The following GLP2R variants were observed in gnomAD, a reference collection of about 807,000 sequenced individuals.
GLP2R encodes glucagon like peptide 2 receptor.
A neutral mutation model predicts 68.2 loss-of-function variants in GLP2R; 59 were observed. That is an observed-to-expected ratio of 0.87 (90% confidence interval 0.70 to 1.07). The LOEUF (loss-of-function observed/expected upper bound fraction) is 1.07, where lower values mean the gene tolerates loss of function less well. Ranked by LOEUF, GLP2R falls within the 50% of genes least tolerant of loss-of-function variation. The probability of loss-of-function intolerance (pLI) is 0.00; values close to 1 mark genes in which losing one functional copy is unlikely to be tolerated. For synonymous variants in GLP2R, 270 were observed against 265.4 expected (o/e 1.02, Z -0.17); for missense variants, 548 against 677.4 (o/e 0.81, Z 2.12).
intron 10 of GLP2R, among the ~76,000 whole-genome samples, chr17:9,873,012 G>T (rs1373644334): frequency 2.0e-5 from 3 of 152,182 alleles, no homozygotes; most frequent in Non-Finnish European, 4.4e-5. Flanking sequence ...AGGGAGCCAC[G>T]CTGTCTCTCT....
intron 4 of GLP2R, among the ~76,000 whole-genome samples, chr17:9,851,397 C>A (rs1164851534): frequency 2.0e-5 from 3 of 152,066 alleles, no homozygotes; most frequent in Admixed American, 6.5e-5. Context: ...ACAATTGACA[C>A]CCTATTTGTG....
In GLP2R at chr17:9,861,197, A is replaced by T. The variant is rs2066984210; in HGVS notation, c.984A>T (p.Thr328=). The change falls in exon 8 of 13, where the codon ACA becomes ACT. Residue 328 remains threonine (T), a splice_region_variant and synonymous_variant. Coordinates refer to ENST00000262441, the MANE Select transcript of GLP2R (RefSeq NM_004246.3). The part of the protein sequence containing the change: ...WGFARAHLEN[T]GCWTTNGNKK... ...TCGCCCGTGCACACCTGGAGAACAC[A>T]GGGTAGGTAATTCACCAGGTGTTAT... The T allele has an allele frequency of 1.9e-6, 3 of 1,604,462 alleles. No individual in the cohort carries two copies. Among genetic ancestry groups the T allele is most frequent in the Non-Finnish European group, 2.6e-6 (3 of 1,171,738 alleles).
At chr17:9,858,349 T>C (rs1607987) in intron 6 of GLP2R, among the ~76,000 whole-genome samples, 30,579 of 152,188 alleles carry the variant, frequency 0.2, 4,121 homozygotes, top group African/African-American at 0.35. Context: ...CAACTAGGTT[T>C]TGACATATTA....
chr17:9,856,982 C>T (rs2066939342), intron 5 of GLP2R, among the ~76,000 whole-genome samples: 2 of 151,720 alleles, frequency 1.3e-5, no homozygotes, highest in South Asian at 2.1e-4. Flanking sequence ...CGTGCAGTGG[C>T]GTGATCTAGG....
At position 9,891,497 on chromosome 17, in the gene GLP2R, C is replaced by A. The variant is rs2067290341; in HGVS notation, c.*1792C>A. ...TTGCAAGTGCAGGCTCTGGTCCTGA[C>A]TTTCAAATGTTGTCTATGAGGGACT... On this transcript the variant is annotated 3_prime_UTR_variant, in exon 13 of 13. Coordinates refer to ENST00000262441, the MANE Select transcript of GLP2R (RefSeq NM_004246.3). 6.6e-6 allele frequency: 1 copy of A among 152,164 alleles called. No homozygotes were observed. Among genetic ancestry groups the A allele is most frequent in the Non-Finnish European group, 1.5e-5 (1 of 68,030 alleles). 9.4% of individuals were successfully genotyped at this position (152,164 alleles called of 1,614,324 possible). A position where few individuals can be genotyped will look rare whatever the true frequency, so the allele number is the denominator to read the frequency against.
intron 8 of GLP2R, 46 bp downstream of exon 8, chr17:9,861,245 C>T (rs1478388974): frequency 1.6e-6 from 2 of 1,219,164 alleles, no homozygotes; most frequent in East Asian, 4.7e-5. Flanking sequence ...CGGTAATTCC[C>T]AGGCATGCCT....
At chr17:9,845,382 C>T (rs1429971836) in intron 4 of GLP2R, among the ~76,000 whole-genome samples, 1 of 152,150 alleles carries the variant, frequency 6.6e-6, no homozygotes, top group Non-Finnish European at 1.5e-5. Context: ...CAGGGGAAGG[C>T]AAGGAGTTCA....
At chr17:9,854,638 T>A (rs1290583791) in intron 5 of GLP2R, 37 bp downstream of exon 5, 1 of 1,164,938 alleles carries the variant, frequency 8.6e-7, no homozygotes, top group East Asian at 2.3e-5. Flanking sequence ...TTCGGGCAGG[T>A]ATAGTAGCCC....
At chr17:9,865,455 C>T (rs960028666) in intron 9 of GLP2R, among the ~76,000 whole-genome samples, 15 of 152,134 alleles carry the variant, frequency 9.9e-5, no homozygotes, top group African/African-American at 3.6e-4. Flanking sequence ...TGTCTCTGTT[C>T]TACTTGACTG....
intron 4 of GLP2R, among the ~76,000 whole-genome samples, chr17:9,847,135 A>G (rs1035597005): frequency 1.3e-5 from 2 of 152,260 alleles, no homozygotes; most frequent in Admixed American, 1.3e-4. Context: ...CCTCATGCAG[A>G]TACAACAGCA....
intron 4 of GLP2R, chr17:9,852,965 T>C (rs2066905351): frequency 4.1e-6 from 2 of 482,690 alleles, no homozygotes; most frequent in Non-Finnish European, 7.8e-6. Flanking sequence ...TCTTCCTAAG[T>C]GCTGTCCACT....
At chr17:9,836,151 C>A (rs776278593) in intron 2 of GLP2R, among the ~76,000 whole-genome samples, 1 of 152,104 alleles carries the variant, frequency 6.6e-6, no homozygotes, top group Non-Finnish European at 1.5e-5. Flanking sequence ...GTTGGGCAGA[C>A]GAATGCACAT....
intron 4 of GLP2R, among the ~76,000 whole-genome samples, chr17:9,849,738 G>T (rs1179319713): frequency 6.8e-6 from 1 of 146,162 alleles, no homozygotes; most frequent in Non-Finnish European, 1.5e-5. Flanking sequence ...TCAGCCTCCC[G>T]AGTAGCTGGG....
At position 9,835,601 on chromosome 17, in the gene GLP2R, CG is replaced by C. The variant is rs1413055733; in HGVS notation, c.278-769del. Among the ~76,000 whole-genome samples, 12 of 152,134 alleles carry C rather than the reference CG, an allele frequency of 7.9e-5. No individual in the cohort carries two copies. The East Asian group carries it at 2.1e-3, about 27-fold the overall frequency. ...ACCTTGATCTTGATCCTCCGTATTCCGCTGGTCGTTTTGTACATTCACAGAG... is the reference window on the plus strand; with the variant it reads ...ACCTTGATCTTGATCCTCCGTATTCCCTGGTCGTTTTGTACATTCACAGAG... On this transcript the variant is annotated intron_variant, in intron 2 of 12. Transcript: ENST00000262441.
chr17:9,875,736 C>G (rs78380934), intron 10 of GLP2R, among the ~76,000 whole-genome samples: 2 of 152,188 alleles, frequency 1.3e-5, no homozygotes, highest in South Asian at 2.1e-4. Flanking sequence ...TTCAGCAGAC[C>G]GTCAGCTCAG....
intron 3 of GLP2R, among the ~76,000 whole-genome samples, chr17:9,837,102 G>A (rs1025172231): frequency 2.6e-5 from 4 of 151,918 alleles, no homozygotes; most frequent in African/African-American, 7.3e-5. Flanking sequence ...TGATCCACCC[G>A]CCTCCGCCTC....
chr17:9,838,813 A>G (rs976507490), intron 3 of GLP2R, among the ~76,000 whole-genome samples: 1 of 152,352 alleles, frequency 6.6e-6, no homozygotes, highest in South Asian at 2.1e-4. Context: ...GCAAATGCAC[A>G]GAGTGGAGGA....
rs1211057097 is a variant in GLP2R, at chr17:9,890,123, A to G, written c.*418A>G. 2.0e-5 allele frequency: 9 copies of G among 452,568 alleles called. No individual in the cohort carries two copies. Among genetic ancestry groups the G allele is most frequent in the Non-Finnish European group, 3.1e-5 (7 of 225,794 alleles). The allele number at this position is 452,568 out of a possible 1,614,324, so 28.0% of individuals were successfully genotyped here. ...GAAAACCTCCTAGGAAGCTTTTAAAATGCAGAATCCTAGACTTGTGGCTAA... is the reference window on the plus strand; with the variant it reads ...GAAAACCTCCTAGGAAGCTTTTAAAGTGCAGAATCCTAGACTTGTGGCTAA... On this transcript the variant is annotated 3_prime_UTR_variant, in exon 13 of 13. Transcript: ENST00000262441.
At chr17:9,841,919 A>G (rs80263550) in intron 3 of GLP2R, among the ~76,000 whole-genome samples, 4,592 of 152,218 alleles carry the variant, frequency 0.03, 91 homozygotes, top group East Asian at 0.076. Context: ...GGCAGTCTGT[A>G]TGCGCAGAGG....
Sources: gnomAD v4.1 joint callset for allele counts (sites outside exome capture counted in the v4.1 genomes callset) on GRCh38, gnomAD v4.1.1 for gene constraint, MANE v1.5 for transcripts, NCBI Gene and HGNC (gene_info 2026-07-23, HGNC 2026-07-21) for gene names.